The following ATAD2B variants were observed in gnomAD, a reference collection of about 807,000 sequenced individuals.
ATAD2B encodes the protein ATPase family AAA domain-containing protein 2B.
Under a neutral mutation model 167.6 loss-of-function variants are expected in ATAD2B, and 40 were observed. The ratio of observed to expected loss-of-function variants is 0.24; its 90% CI spans 0.19 to 0.31. The LOEUF is 0.31. Ranked by LOEUF, ATAD2B falls within the 10% of genes least tolerant of loss-of-function variation. The pLI, the probability that ATAD2B is intolerant of heterozygous loss-of-function variation, is 1.00. For missense variants in ATAD2B, 1,242 were observed against 1,757.2 expected, an observed-to-expected ratio of 0.71 and a Z score of 5.24; for synonymous variants, 579 against 596.5, an observed-to-expected ratio of 0.97 and a Z score of 0.43.
At chr2:23,784,708 A>G (rs1680550709) in intron 21 of ATAD2B, among the ~76,000 whole-genome samples, 2 of 152,006 alleles carry the variant, frequency 1.3e-5, no homozygotes, top group African/African-American at 2.4e-5. Context: ...GCACACACAC[A>G]TATCACATTT....
intron 4 of ATAD2B, among the ~76,000 whole-genome samples, chr2:23,886,194 T>A (rs1698638735): frequency 6.6e-6 from 1 of 152,070 alleles, no homozygotes. Flanking sequence ...GATTCATTCA[T>A]CTCAGCCTCC....
At chr2:23,683,265 C>T in the ATAD2B span, among the ~76,000 whole-genome samples, 1 of 152,246 alleles carries the variant, frequency 6.6e-6, no homozygotes, top group African/African-American at 2.4e-5. Flanking sequence ...GCCACCCTCT[C>T]CCACACACCT....
chr2:23,834,725 C>T (rs1041494403), intron 13 of ATAD2B, among the ~76,000 whole-genome samples: 1 of 151,170 alleles, frequency 6.6e-6, no homozygotes, highest in Non-Finnish European at 1.5e-5. Context: ...AACTGAACAA[C>T]TAAACAATAC....
intron 15 of ATAD2B, among the ~76,000 whole-genome samples, chr2:23,828,014 G>C (rs1045184395): frequency 4.6e-5 from 7 of 151,062 alleles, no homozygotes; most frequent in Admixed American, 2.0e-4. Context: ...GTAAGCTGTT[G>C]TTAGTGGACT....
chr2:23,895,127 AC>A lies in ATAD2B; in HGVS notation c.368+691del, dbSNP rs1700011382. Among the ~76,000 whole-genome samples, 4 of 152,300 alleles carry A rather than the reference AC, an allele frequency of 2.6e-5. No homozygotes were observed. The South Asian group carries it at 8.3e-4, about 32-fold the overall frequency. On this transcript the variant is annotated intron_variant, in intron 2 of 27. Coordinates refer to ENST00000238789, the MANE Select transcript of ATAD2B (RefSeq NM_017552.4). ...ACTTCTACTTTAAAGAGTTTAAAGA[AC>A]CCTTTAGTTCCCAGACCCATGTAAA... is the stretch of plus-strand genomic sequence containing the variant.
chr2:23,800,759 T>TA (rs146854971), intron 18 of ATAD2B, among the ~76,000 whole-genome samples: 40 of 150,038 alleles, frequency 2.7e-4, no homozygotes, highest in Non-Finnish European at 3.7e-4. Context: ...GTGATCCAAT[T>TA]AAAAAAAAAA....
chr2:23,828,749 T>A, intron 15 of ATAD2B, 100 bp downstream of exon 15: 1 of 723,560 alleles, frequency 1.4e-6, no homozygotes. Context: ...TATTGCACAA[T>A]CAAAAACATA....
chr2:23,747,769 G>A (rs1196666987), downstream of ATAD2B, among the ~76,000 whole-genome samples: 2 of 151,988 alleles, frequency 1.3e-5, no homozygotes, highest in African/African-American at 2.4e-5. Flanking sequence ...ATACATGTGG[G>A]GGTAAAAGAG....
At chr2:23,731,880 G>A in the ATAD2B span, among the ~76,000 whole-genome samples, 2 of 152,010 alleles carry the variant, frequency 1.3e-5, no homozygotes, top group African/African-American at 4.8e-5. Flanking sequence ...AGGAGGCTAA[G>A]GCAGGAAAAT....
At chr2:23,926,314 G>A (rs1352100139) in intron 1 of ATAD2B, among the ~76,000 whole-genome samples, 1 of 152,216 alleles carries the variant, frequency 6.6e-6, no homozygotes, top group African/African-American at 2.4e-5. Context: ...GACCCCCAAA[G>A]CCCTCTCCCC....
chr2:23,821,478 C>CA (rs1687441295), intron 16 of ATAD2B, among the ~76,000 whole-genome samples: 1 of 152,146 alleles, frequency 6.6e-6, no homozygotes, highest in Admixed American at 6.5e-5. Flanking sequence ...CTCTGTCTGC[C>CA]AAATTTAAGA....
chr2:23,718,221 A>ATCTCCTAG, the ATAD2B span, among the ~76,000 whole-genome samples: 1 of 151,304 alleles, frequency 6.6e-6, no homozygotes, highest in South Asian at 2.1e-4. Context: ...TTTACTCCTT[A>ATCTCCTAG]TCTCCTAGTT....
the ATAD2B span, among the ~76,000 whole-genome samples, chr2:23,722,989 CTG>C: frequency 1.3e-5 from 2 of 152,122 alleles, no homozygotes; most frequent in Non-Finnish European, 2.9e-5. Context: ...AACAAACCAT[CTG>C]ATTTAAAAAT....
At chr2:23,713,630 C>T in the ATAD2B span, among the ~76,000 whole-genome samples, 1 of 152,134 alleles carries the variant, frequency 6.6e-6, no homozygotes, top group African/African-American at 2.4e-5. Flanking sequence ...TGTGGATTGC[C>T]TATTGCGAAC....
At chr2:23,915,261 C>T (rs1254532687) in intron 1 of ATAD2B, among the ~76,000 whole-genome samples, 1 of 151,854 alleles carries the variant, frequency 6.6e-6, no homozygotes, top group South Asian at 2.1e-4. Flanking sequence ...AACACAGTAA[C>T]CAAGTATTCT....
chr2:23,704,855 C>G, the ATAD2B span, among the ~76,000 whole-genome samples: 2 of 152,268 alleles, frequency 1.3e-5, no homozygotes, highest in African/African-American at 4.8e-5. Flanking sequence ...GTAGAGGTAA[C>G]TGCAGAATCT....
intron 22 of ATAD2B, among the ~76,000 whole-genome samples, chr2:23,769,754 C>T (rs1316816099): frequency 1.5e-5 from 2 of 130,226 alleles, no homozygotes; most frequent in African/African-American, 2.9e-5. Flanking sequence ...CTCATTCTGT[C>T]GCCCAGGCTG....
intron 12 of ATAD2B, among the ~76,000 whole-genome samples, chr2:23,860,832 A>G (rs1406157398): frequency 6.6e-6 from 1 of 152,150 alleles, no homozygotes; most frequent in African/African-American, 2.4e-5. Context: ...TTAGCTGGAC[A>G]TGGTGGCAGG....
rs560362657 is a variant in ATAD2B at position 23,760,515 on chromosome 2, G to T, written c.3394+1694C>A. On this transcript the variant is annotated intron_variant, in intron 24 of 27. Transcript: ENST00000238789. ...ATCTCTACTAAAAATACAAAAAAAT[G>T]AGCCAGGTGTGCTGGCAGGCGCCTG... Among the ~76,000 whole-genome samples the T allele has an allele frequency of 8.9e-4, 135 of 151,650 alleles. 4 individuals are homozygous for T. The South Asian group carries it at 0.027, about 30-fold the overall frequency.
Sources: allele counts gnomAD v4.1 joint callset (sites outside exome capture counted in the v4.1 genomes callset), GRCh38; gene constraint gnomAD v4.1.1; transcripts MANE v1.5; gene names NCBI Gene and HGNC (gene_info 2026-07-23, HGNC 2026-07-21).